ADK: variants seen among roughly 807,000 people sequenced by gnomAD.
ADK encodes adenosine kinase.
Under a neutral mutation model 44.7 loss-of-function variants are expected in ADK, and 24 were observed. That is an observed-to-expected ratio of 0.54 (90% confidence interval 0.39 to 0.76). ADK has a LOEUF of 0.76. Among genes scored for constraint, ADK ranks in the 30% least tolerant of loss-of-function variants. ADK has a pLI of 0.00. For synonymous variants in ADK, 128 were observed against 142.6 expected (o/e 0.90, Z 0.73); for missense variants, 321 against 425.1 (o/e 0.76, Z 2.15).
Position 74,584,350 on chromosome 10 carries a change from T to C in ADK, c.727-4932T>C, listed in dbSNP as rs1589271610. 2.6e-5 allele frequency among the ~76,000 whole-genome samples: 4 copies of C among 152,320 alleles called. 2 individuals are homozygous for C. The highest frequency in any genetic ancestry group is 2.6e-4 in the Admixed American group (4 of 15,304). On this transcript the variant is annotated intron_variant, in intron 7 of 10. Coordinates refer to ENST00000539909, the MANE Select transcript of ADK (RefSeq NM_006721.4). ...ATAGGTATGGTTAACCCCAATGTTATTGATGAAGAAATTGATGTACTGAGT... is the reference window on the plus strand; with the variant it reads ...ATAGGTATGGTTAACCCCAATGTTACTGATGAAGAAATTGATGTACTGAGT...
rs185667177 is a variant in ADK at position 74,217,713 on chromosome 10, C to T, written c.141-6825C>T. On this transcript the variant is annotated intron_variant, in intron 2 of 10. Transcript: ENST00000539909. ...ATCAGACAGCAGCATTCGCGGTTCA[C>T]GAAAAACCACTGTTCTGCAGCCACC... 3.1e-3 allele frequency among the ~76,000 whole-genome samples: 473 copies of T among 152,240 alleles called. 5 individuals carry two copies. The highest frequency in any genetic ancestry group is 0.017 in the Middle Eastern group (5 of 294).
At chr10:74,493,471 T>A (rs1402794178) in intron 6 of ADK, among the ~76,000 whole-genome samples, 1 of 151,344 alleles carries the variant, frequency 6.6e-6, no homozygotes, top group Admixed American at 6.6e-5. Context: ...AGAAGAGATA[T>A]ATATAGAGAG....
intron 6 of ADK, among the ~76,000 whole-genome samples, chr10:74,498,420 C>T (rs933117400): frequency 1.3e-5 from 2 of 152,166 alleles, no homozygotes; most frequent in Non-Finnish European, 2.9e-5. Flanking sequence ...AAACCATAAG[C>T]TGTCTACTAT....
At chr10:74,174,038 C>T (rs903940516) in intron 1 of ADK, among the ~76,000 whole-genome samples, 28 of 151,808 alleles carry the variant, frequency 1.8e-4, no homozygotes, top group Non-Finnish European at 3.5e-4. Context: ...TGTGGTGGCT[C>T]ATGCCTGTAT....
intron 6 of ADK, among the ~76,000 whole-genome samples, chr10:74,504,428 T>G (rs1012474775): frequency 6.6e-6 from 1 of 152,144 alleles, no homozygotes; most frequent in African/African-American, 2.4e-5. Flanking sequence ...AAAATCCATG[T>G]ATAACTTTTG....
At chr10:74,543,945 G>T (rs1849736826) in intron 7 of ADK, among the ~76,000 whole-genome samples, 2 of 150,948 alleles carry the variant, frequency 1.3e-5, no homozygotes, top group African/African-American at 2.4e-5. Context: ...TCATTTTCTG[G>T]CCCTGTATTT....
intron 9 of ADK, among the ~76,000 whole-genome samples, chr10:74,664,085 A>G (rs1359461075): frequency 6.6e-6 from 1 of 152,248 alleles, no homozygotes; most frequent in Non-Finnish European, 1.5e-5. Flanking sequence ...AAAAGCATTA[A>G]TGCTTTGTGA....
At chr10:74,505,107 G>T (rs1406966462) in intron 6 of ADK, among the ~76,000 whole-genome samples, 2 of 152,066 alleles carry the variant, frequency 1.3e-5, no homozygotes, top group Non-Finnish European at 2.9e-5. Flanking sequence ...GATGAAGGAG[G>T]TGGAAAGGAT....
rs199668086 is a variant in ADK at position 74,343,484 on chromosome 10, G to A, written c.273+28739G>A. On this transcript the variant is annotated intron_variant, in intron 4 of 10. Transcript: ENST00000539909. ...ATGTTGGGTTGGCTGAGGAGGCAGA[G>A]GAGGAACTGGTTTTGCTGTCTTAAG... Among the ~76,000 whole-genome samples the A allele has an allele frequency of 3.3e-5, 5 of 152,190 alleles. No individual in the cohort carries two copies. The East Asian group carries it at 9.6e-4, about 29-fold the overall frequency.
At chr10:74,599,134 C>T (rs908978224) in intron 8 of ADK, among the ~76,000 whole-genome samples, 7 of 152,208 alleles carry the variant, frequency 4.6e-5, no homozygotes, top group East Asian at 1.9e-4. Context: ...AATAAGCAAC[C>T]GAAAGCGAAA....
chr10:74,614,406 C>G (rs1458672649), intron 9 of ADK, among the ~76,000 whole-genome samples: 2 of 152,086 alleles, frequency 1.3e-5, no homozygotes, highest in African/African-American at 4.8e-5. Flanking sequence ...AGACTATAGA[C>G]CACCTTGTAC....
intron 7 of ADK, among the ~76,000 whole-genome samples, chr10:74,535,628 G>T (rs1233357613): frequency 6.8e-6 from 1 of 147,226 alleles, no homozygotes. Flanking sequence ...TATTGCCTAG[G>T]CTGGAGTGCA....
chr10:74,357,067 A>G (rs1057057572), intron 4 of ADK, among the ~76,000 whole-genome samples: 1 of 152,148 alleles, frequency 6.6e-6, no homozygotes, highest in Non-Finnish European at 1.5e-5. Flanking sequence ...GATGCTCTCT[A>G]CTGTATGCAC....
chr10:74,547,718 G>T (rs1251649294), intron 7 of ADK, among the ~76,000 whole-genome samples: 1 of 151,834 alleles, frequency 6.6e-6, no homozygotes, highest in African/African-American at 2.4e-5. Flanking sequence ...GAGTGCAATA[G>T]CGCCATCTTG....
At chr10:74,676,169 G>A (rs567382804) in intron 10 of ADK, among the ~76,000 whole-genome samples, 12 of 151,612 alleles carry the variant, frequency 7.9e-5, no homozygotes, top group East Asian at 1.9e-4. Flanking sequence ...TTGCTCTGTC[G>A]CCCAGGCTGG....
intron 4 of ADK, among the ~76,000 whole-genome samples, chr10:74,357,980 A>G (rs1162213371): frequency 6.6e-6 from 1 of 152,216 alleles, no homozygotes; most frequent in Non-Finnish European, 1.5e-5. Flanking sequence ...TGAAATATTC[A>G]CTTAAAAACT....
intron 9 of ADK, among the ~76,000 whole-genome samples, chr10:74,648,434 C>T (rs181651940): frequency 5.3e-5 from 8 of 152,308 alleles, no homozygotes; most frequent in Admixed American, 4.6e-4. Context: ...AATCCCAGCA[C>T]TTTGGGAGGC....
At chr10:74,627,320 T>C (rs1023807988) in intron 9 of ADK, among the ~76,000 whole-genome samples, 15 of 151,848 alleles carry the variant, frequency 9.9e-5, no homozygotes, top group African/African-American at 3.6e-4. Flanking sequence ...TACTAAAAAA[T>C]AAATAGTAAA....
At chr10:74,275,788 G>A (rs146354826) in intron 3 of ADK, among the ~76,000 whole-genome samples, 1 of 152,072 alleles carries the variant, frequency 6.6e-6, no homozygotes, top group African/African-American at 2.4e-5. Flanking sequence ...CCTCCAGTGC[G>A]GACCACTATG....
Sources: allele counts gnomAD v4.1 joint callset (sites outside exome capture counted in the v4.1 genomes callset), GRCh38; gene constraint gnomAD v4.1.1; transcripts MANE v1.5; gene names NCBI Gene and HGNC (gene_info 2026-07-23, HGNC 2026-07-21).